The following DEPDC7 variants were observed in gnomAD, a reference collection of about 807,000 sequenced individuals.
The protein encoded by DEPDC7 is DEP domain-containing protein 7.
DEPDC7 carries 41 observed loss-of-function variants against 56.6 expected under a neutral mutation model. That is an observed-to-expected ratio of 0.72 (90% CI 0.56 to 0.94). The LOEUF (loss-of-function observed/expected upper bound fraction) is 0.94, where lower values mean the gene tolerates loss of function less well. DEPDC7 is among the 40% of genes least tolerant of loss of function. DEPDC7 has a pLI of 0.00. For synonymous variants in DEPDC7, 185 were observed against 208.8 expected, an observed-to-expected ratio of 0.89 and a Z score of 0.98; for missense variants, 522 against 596.3, an observed-to-expected ratio of 0.88 and a Z score of 1.30.
At position 33,025,963 on chromosome 11, in the gene DEPDC7, T is replaced by C. The variant is rs1169797205; in HGVS notation, c.378T>C (p.Asp126=). ...FGKDKKPTFE[D]SSCSLYRFTT... ...AAGACAAAAAACCTACATTTGAAGA[T>C]AGTAGTTGCAGCCTTTATAGATTCA... Residue 126 remains aspartate, a synonymous_variant, in exon 2 of 9, where the codon GAT becomes GAC. Transcript: ENST00000241051. 1 of 1,613,952 alleles carries C rather than the reference T, an allele frequency of 6.2e-7. No homozygotes were observed. Among genetic ancestry groups the C allele is most frequent in the Non-Finnish European group, 8.5e-7 (1 of 1,180,004 alleles).
chr11:33,032,868 A>T, intron 7 of DEPDC7, 21 bp from the exon 8 acceptor site: 1 of 1,592,026 alleles, frequency 6.3e-7, no homozygotes, highest in Non-Finnish European at 8.6e-7. Context: ...ATAATGTCCC[A>T]TGTCCCTTCT....
intron 1 of DEPDC7, among the ~76,000 whole-genome samples, chr11:33,016,883 A>G (rs757380663): frequency 6.6e-6 from 1 of 152,218 alleles, no homozygotes; most frequent in South Asian, 2.1e-4. Context: ...TGGTTAAGTT[A>G]CAACTTTTTC....
chr11:33,022,358 T>A (rs988057943), intron 1 of DEPDC7, among the ~76,000 whole-genome samples: 1 of 152,222 alleles, frequency 6.6e-6, no homozygotes, highest in Non-Finnish European at 1.5e-5. Context: ...AAACAACTTA[T>A]CTGATGGCTG....
Position 33,025,942 on chromosome 11 carries a change from CA to C in DEPDC7, c.363del (p.Lys121AsnfsTer24). The C allele has an allele frequency of 6.2e-7, 1 of 1,613,936 alleles. No individual in the cohort carries two copies. The highest frequency in any genetic ancestry group is 8.5e-7 in the Non-Finnish European group (1 of 1,179,950). Reference protein sequence around the residue: ...AVPTKVFGKDKKPTFEDSSCS... With the variant: ...AVPTKVFGKDXKPTFEDSSCS... ...TTCCAACCAAAGTCTTTGGAAAAGACAAAAAACCTACATTTGAAGATAGTAG... is the reference window on the plus strand; with the variant it reads ...TTCCAACCAAAGTCTTTGGAAAAGACAAAAACCTACATTTGAAGATAGTAG... On this transcript the variant is annotated frameshift_variant, in exon 2 of 9. Coordinates refer to ENST00000241051, the MANE Select transcript of DEPDC7 (RefSeq NM_001077242.2). LOFTEE classifies it high-confidence loss of function.
At position 33,032,640 on chromosome 11, in the gene DEPDC7, A is replaced by T. The variant is rs193058525; in HGVS notation, c.1138-28A>T. 5,434 of 1,476,652 alleles carry T rather than the reference A, an allele frequency of 3.7e-3. 21 individuals are homozygous for T. Among genetic ancestry groups the T allele is most frequent in the Non-Finnish European group, 4.0e-3 (4,360 of 1,088,170 alleles). The allele number at this position is 1,476,652 out of a possible 1,614,324, so 91.5% of individuals were successfully genotyped here. A position where few individuals can be genotyped will look rare whatever the true frequency, so the allele number is the denominator to read the frequency against. On this transcript the variant is annotated intron_variant, in intron 6 of 8. Coordinates refer to ENST00000241051, the MANE Select transcript of DEPDC7 (RefSeq NM_001077242.2). ...TAAACTTGTCTCTTAAATATATACTATTGGATATATTTGTTTTATTTTTAT... is the reference window on the plus strand; with the variant it reads ...TAAACTTGTCTCTTAAATATATACTTTTGGATATATTTGTTTTATTTTTAT...
At chr11:33,019,805 G>A (rs1853504804) in intron 1 of DEPDC7, among the ~76,000 whole-genome samples, 1 of 151,512 alleles carries the variant, frequency 6.6e-6, no homozygotes, top group Admixed American at 6.6e-5. Flanking sequence ...TAGGAAATCT[G>A]AAAGAAATCG....
chr11:33,028,709 T>A lies in DEPDC7; in HGVS notation c.699T>A (p.Ile233=). ...AACAGCAAGAGGCTGTACCTAAAAT[T>A]CCTCAACCTAAGAGGCAGTCCACCA... is the stretch of plus-strand genomic sequence containing the variant. ...LLKQQEAVPK[I]PQPKRQSTMV... Residue 233 remains isoleucine, a synonymous_variant, in exon 4 of 9, where the codon ATT becomes ATA. Coordinates refer to ENST00000241051, the MANE Select transcript of DEPDC7 (RefSeq NM_001077242.2). 6.2e-7 allele frequency: 1 copy of A among 1,614,026 alleles called. No homozygotes were observed. The highest frequency in any genetic ancestry group is 1.7e-5 in the Admixed American group (1 of 59,944).
At chr11:33,032,579 A>C in intron 6 of DEPDC7, 89 bp from the exon 7 acceptor site, 1 of 1,352,340 alleles carries the variant, frequency 7.4e-7, no homozygotes, top group Non-Finnish European at 1.0e-6. Context: ...GCTGAAATGT[A>C]TAATAGCTAT....
At position 33,032,709 on chromosome 11, in the gene DEPDC7, T is replaced by C; in HGVS notation, c.1179T>C (p.Ala393=). The change falls in exon 7 of 9, where the codon GCT becomes GCC. Residue 393 remains alanine, a synonymous_variant. Transcript: ENST00000241051. ...TTGTGAAAAGGATATTCTCAAAAGC[T>C]ATTGTTGACAATAAAAATTTATCCA... is the stretch of plus-strand genomic sequence containing the variant. ...RMVVKRIFSK[A]IVDNKNLSKG... 2 of 1,605,002 alleles carry C rather than the reference T, an allele frequency of 1.2e-6. No individual in the cohort carries two copies. Among genetic ancestry groups the C allele is most frequent in the African/African-American group, 2.7e-5 (2 of 74,752 alleles).
At chr11:33,030,693 C>T (rs534395923) in intron 4 of DEPDC7, among the ~76,000 whole-genome samples, 1 of 152,158 alleles carries the variant, frequency 6.6e-6, no homozygotes, top group East Asian at 1.9e-4. Context: ...AAGCAATTCT[C>T]CCACCTCAGC....
chr11:33,015,890 C>T lies in DEPDC7; in HGVS notation c.-66C>T, dbSNP rs138524582. On this transcript the variant is annotated 5_prime_UTR_variant, in exon 1 of 9. In the 5' UTR this introduces an upstream ATG that the reference lacks. Transcript: ENST00000241051. ...AGCCACGCCCCGCACAGTTAACAGA[C>T]GGGCGCTCAGGGAGCTAGGGAGCTG... 2,544 of 1,472,268 alleles carry T rather than the reference C, an allele frequency of 1.7e-3. 13 individuals are homozygous for T. Among genetic ancestry groups the T allele is most frequent in the Middle Eastern group, 0.012 (66 of 5,654 alleles). 91.2% of individuals were successfully genotyped at this position (1,472,268 alleles called of 1,614,324 possible).
At chr11:33,029,382 C>T (rs750306412) in intron 4 of DEPDC7, among the ~76,000 whole-genome samples, 51 of 149,340 alleles carry the variant, frequency 3.4e-4, no homozygotes, top group Non-Finnish European at 5.8e-4. Context: ...ATCCCAGCTA[C>T]TTGGGAGGCT....
In DEPDC7 at chr11:33,031,459, T is replaced by C. The variant is rs36077875; in HGVS notation, c.864T>C (p.Phe288=). 50,387 of 1,614,158 alleles carry C rather than the reference T, an allele frequency of 0.031. 956 individuals carry two copies. The highest frequency in any genetic ancestry group is 0.038 in the Non-Finnish European group (44,457 of 1,179,992). The change falls in exon 5 of 9, where the codon TTT becomes TTC. Residue 288 remains phenylalanine, a synonymous_variant. Transcript: ENST00000241051. ...TGGTGGTGGAAATAAGCAGAAGCTT[T>C]CCTGAGCAACCAGACCGAACAGACT... is the stretch of plus-strand genomic sequence containing the variant. ...DQMVVEISRS[F]PEQPDRTDLV...
At chr11:33,027,632 A>G (rs1371487984) in intron 2 of DEPDC7, 54 bp from the exon 3 acceptor site, 4 of 1,424,904 alleles carry the variant, frequency 2.8e-6, no homozygotes, top group East Asian at 2.7e-5. Flanking sequence ...CTCAAATACT[A>G]AAATATTTCT....
At chr11:33,026,151 G>T (rs769462869) in intron 2 of DEPDC7, 102 bp downstream of exon 2, 191 of 1,356,820 alleles carry the variant, frequency 1.4e-4, no homozygotes, top group Non-Finnish European at 1.9e-4. Flanking sequence ...AGCAGTAAAT[G>T]TGGCTAAAAT....
At chr11:33,029,824 A>G (rs944137796) in intron 4 of DEPDC7, among the ~76,000 whole-genome samples, 2 of 152,254 alleles carry the variant, frequency 1.3e-5, no homozygotes, top group Non-Finnish European at 2.9e-5. Context: ...AAGAACTATT[A>G]ATACTATAAA....
chr11:33,027,240 T>C (rs10836004), intron 2 of DEPDC7, among the ~76,000 whole-genome samples: 60,999 of 152,032 alleles, frequency 0.4, 12,416 homozygotes, highest in East Asian at 0.45. Flanking sequence ...ATCATAGTCT[T>C]GGGACAGATT....
intron 1 of DEPDC7, among the ~76,000 whole-genome samples, chr11:33,017,322 A>G (rs1371780625): frequency 6.6e-6 from 1 of 152,184 alleles, no homozygotes; most frequent in Non-Finnish European, 1.5e-5. Context: ...CAGTGAAGGA[A>G]ATTCCCAAAT....
intron 4 of DEPDC7, among the ~76,000 whole-genome samples, chr11:33,029,999 G>A (rs926798858): frequency 7.9e-5 from 12 of 151,596 alleles, no homozygotes; most frequent in Admixed American, 2.6e-4. Context: ...TCTCTCTGTC[G>A]CCCAGGCTGG....
Sources: gnomAD v4.1 joint callset for allele counts (sites outside exome capture counted in the v4.1 genomes callset) on GRCh38, gnomAD v4.1.1 for gene constraint, MANE v1.5 for transcripts, NCBI Gene and HGNC (gene_info 2026-07-23, HGNC 2026-07-21) for gene names.